The following ST6GALNAC5 variants were observed in gnomAD, a reference collection of about 807,000 sequenced individuals.
ST6GALNAC5 encodes alpha-N-acetylgalactosaminide alpha-2,6-sialyltransferase 5.
Under a neutral mutation model 33.6 loss-of-function variants are expected in ST6GALNAC5, and 27 were observed. That is an observed-to-expected ratio of 0.80 (90% CI 0.59 to 1.11). The LOEUF (loss-of-function observed/expected upper bound fraction) is 1.11, where lower values mean the gene tolerates loss of function less well. Among genes scored for constraint, ST6GALNAC5 ranks in the 50% least tolerant of loss-of-function variants. ST6GALNAC5 has a pLI of 0.00. For synonymous variants in ST6GALNAC5, 194 were observed against 171.2 expected, an observed-to-expected ratio of 1.13 and a Z score of -1.04; for missense variants, 428 against 454.0, an observed-to-expected ratio of 0.94 and a Z score of 0.52.
chr1:76,974,773 CTTT>C (rs60357939), intron 2 of ST6GALNAC5, among the ~76,000 whole-genome samples: 112 of 35,238 alleles, frequency 3.2e-3, no homozygotes, highest in African/African-American at 0.012. Flanking sequence ...TTCTTTCTTT[CTTT>C]TTTTTTTTTT....
At chr1:76,985,694 G>C (rs1649467278) in intron 2 of ST6GALNAC5, among the ~76,000 whole-genome samples, 2 of 152,276 alleles carry the variant, frequency 1.3e-5, no homozygotes, top group South Asian at 4.1e-4. Flanking sequence ...AGCCCGCATT[G>C]CCAAGTAAAT....
intron 2 of ST6GALNAC5, among the ~76,000 whole-genome samples, chr1:76,907,355 C>G (rs900892951): frequency 5.3e-5 from 8 of 152,052 alleles, no homozygotes; most frequent in Non-Finnish European, 7.4e-5. Flanking sequence ...AACACCCAAC[C>G]CTGCTTGGTG....
rs1653400497 is a variant in ST6GALNAC5 at position 76,868,367 on chromosome 1, C to T, written c.16-130C>T. The T allele has an allele frequency of 7.4e-7, 1 of 1,352,166 alleles. No individual in the cohort carries two copies. Among genetic ancestry groups the T allele is most frequent in the East Asian group, 2.7e-5 (1 of 37,302 alleles). The allele number at this position is 1,352,166 out of a possible 1,614,324, so 83.8% of individuals were successfully genotyped here. ...CTTTCTCTGTCCCAGTTGCGTGCGG[C>T]GGGGCTGGGGCCCAGGCCGCCCCAA... On this transcript the variant is annotated intron_variant, in intron 1 of 4. Transcript: ENST00000477717. This position sits in a 1 kb window ranked among gnomAD's most constrained non-coding sequence, Gnocchi z 4.3.
At chr1:76,944,026 C>T (rs1647424802) in intron 2 of ST6GALNAC5, among the ~76,000 whole-genome samples, 1 of 152,026 alleles carries the variant, frequency 6.6e-6, no homozygotes, top group African/African-American at 2.4e-5. Flanking sequence ...CTGATGAACA[C>T]AAGGGCCCTA....
At chr1:76,958,784 A>G (rs1648109953) in intron 2 of ST6GALNAC5, among the ~76,000 whole-genome samples, 1 of 151,634 alleles carries the variant, frequency 6.6e-6, no homozygotes, top group South Asian at 2.1e-4. Flanking sequence ...TTGAATGCTT[A>G]CTTTCTTCTG....
Position 77,050,331 on chromosome 1 carries a change from A to G in ST6GALNAC5, c.745A>G (p.Asn249Asp). The part of the protein sequence containing the change: ...TIALELCDRI[N>D]VYGMVPPDFC... ...TGCACTGGAGCTCTGTGACAGGATC[A>G]ATGTTTATGGCATGGTGCCCCCAGA... Residue 249 changes from asparagine (N) to aspartate (D), a missense_variant, in exon 4 of 5, where the codon AAT becomes GAT. By Grantham distance (23) the Asn-to-Asp change is conservative. Transcript: ENST00000477717. The G allele has an allele frequency of 1.2e-6, 2 of 1,614,100 alleles. No homozygotes were observed. The highest frequency in any genetic ancestry group is 1.7e-6 in the Non-Finnish European group (2 of 1,179,936).
chr1:76,890,380 G>A (rs894859685), intron 2 of ST6GALNAC5, among the ~76,000 whole-genome samples: 9 of 151,954 alleles, frequency 5.9e-5, no homozygotes, highest in Non-Finnish European at 1.0e-4. Context: ...CATTCCTTAG[G>A]GTCATGGTTT....
chr1:76,953,207 C>A (rs1298603047), intron 2 of ST6GALNAC5, among the ~76,000 whole-genome samples: 1 of 152,024 alleles, frequency 6.6e-6, no homozygotes, highest in African/African-American at 2.4e-5. Context: ...GGGATAAGTG[C>A]CTAAAACTGA....
intron 2 of ST6GALNAC5, among the ~76,000 whole-genome samples, chr1:76,891,461 T>C (rs1264924263): frequency 6.6e-6 from 1 of 152,216 alleles, no homozygotes; most frequent in East Asian, 1.9e-4. Context: ...TTGAGTTGTG[T>C]TTTTAATATA....
intron 2 of ST6GALNAC5, among the ~76,000 whole-genome samples, chr1:76,903,770 T>C (rs1646839159): frequency 6.6e-6 from 1 of 152,060 alleles, no homozygotes; most frequent in African/African-American, 2.4e-5. Context: ...AGAAGGAAAC[T>C]TGAAACCATG....
chr1:76,935,453 A>G (rs1647191575), intron 2 of ST6GALNAC5, among the ~76,000 whole-genome samples: 1 of 152,062 alleles, frequency 6.6e-6, no homozygotes, highest in South Asian at 2.1e-4. Flanking sequence ...GGCAACATTC[A>G]GTGAGTACGT....
intron 2 of ST6GALNAC5, among the ~76,000 whole-genome samples, chr1:77,030,090 G>A (rs369401470): frequency 4.6e-5 from 7 of 152,286 alleles, no homozygotes; most frequent in East Asian, 1.9e-4. Context: ...TACAGTCACT[G>A]TGTATTCTCA....
At chr1:76,989,846 G>A (rs1263126105) in intron 2 of ST6GALNAC5, among the ~76,000 whole-genome samples, 1 of 152,048 alleles carries the variant, frequency 6.6e-6, no homozygotes, top group Non-Finnish European at 1.5e-5. Flanking sequence ...CCAGCAAGGG[G>A]TACAGCTTCT....
chr1:77,006,189 C>T (rs930453299), intron 2 of ST6GALNAC5, among the ~76,000 whole-genome samples: 1 of 151,670 alleles, frequency 6.6e-6, no homozygotes, highest in Non-Finnish European at 1.5e-5. Flanking sequence ...GGGTCTTCTT[C>T]TGTTGCCCAG....
chr1:76,910,177 A>G (rs1480458319), intron 2 of ST6GALNAC5, among the ~76,000 whole-genome samples: 1 of 152,012 alleles, frequency 6.6e-6, no homozygotes, highest in Admixed American at 6.6e-5. Flanking sequence ...AGTAGTTTCT[A>G]TTCTTGTATG....
At chr1:77,062,536 G>C (rs1383927392) in intron 4 of ST6GALNAC5, among the ~76,000 whole-genome samples, 3 of 152,146 alleles carry the variant, frequency 2.0e-5, no homozygotes, top group African/African-American at 7.2e-5. Flanking sequence ...TAGAAGGGGA[G>C]CCACATCATA....
At chr1:76,956,360 T>C (rs548928083) in intron 2 of ST6GALNAC5, among the ~76,000 whole-genome samples, 1 of 152,216 alleles carries the variant, frequency 6.6e-6, no homozygotes, top group East Asian at 1.9e-4. Context: ...TGCAAATATG[T>C]TTCTTACAAC....
At position 77,021,829 on chromosome 1, in the gene ST6GALNAC5, C is replaced by G. The variant is rs1370334474; in HGVS notation, c.262-22375C>G. Among the ~76,000 whole-genome samples the G allele has an allele frequency of 7.9e-5, 12 of 152,002 alleles. No homozygotes were observed. The East Asian group carries it at 2.3e-3, about 29-fold the overall frequency. On this transcript the variant is annotated intron_variant, in intron 2 of 4. Coordinates refer to ENST00000477717, the MANE Select transcript of ST6GALNAC5 (RefSeq NM_030965.3). Reference sequence around the variant, plus strand: ...TTTTATAGGATGCACATTGGAAAACCACTCTCTAAATCTTAGCTTTCTATG... The same window carrying G: ...TTTTATAGGATGCACATTGGAAAACGACTCTCTAAATCTTAGCTTTCTATG...
Position 76,888,336 on chromosome 1 carries a change from G to A in ST6GALNAC5, c.261+19594G>A, listed in dbSNP as rs57176336. Among the ~76,000 whole-genome samples, 583 of 152,188 alleles carry A rather than the reference G, an allele frequency of 3.8e-3. 5 individuals are homozygous for A. Among genetic ancestry groups the A allele is most frequent in the African/African-American group, 0.013 (559 of 41,530 alleles). ...CAGGTGCCTGAGTGATGCTGTTGCT[G>A]TTGGTCCGAGATCCATCTCTTGAGT... On this transcript the variant is annotated intron_variant, in intron 2 of 4. Transcript: ENST00000477717.
Sources: allele counts gnomAD v4.1 joint callset (sites outside exome capture counted in the v4.1 genomes callset), GRCh38; gene constraint gnomAD v4.1.1; non-coding constraint Gnocchi (gnomAD v3.1); transcripts MANE v1.5; gene names NCBI Gene and HGNC (gene_info 2026-07-23, HGNC 2026-07-21).